TMEM132B: variants seen among roughly 807,000 people sequenced by gnomAD.
TMEM132B encodes the protein transmembrane protein 132B.
TMEM132B carries 18 observed loss-of-function variants against 90.8 expected under a neutral mutation model. That is an observed-to-expected ratio of 0.20 (90% CI 0.14 to 0.29). TMEM132B has a LOEUF of 0.29. TMEM132B is among the 10% of genes least tolerant of loss of function. The pLI, the probability that TMEM132B is intolerant of heterozygous loss-of-function variation, is 1.00. For missense variants in TMEM132B, 1,096 were observed against 1,326.8 expected, an observed-to-expected ratio of 0.83 and a Z score of 2.70; for synonymous variants, 504 against 523.3, an observed-to-expected ratio of 0.96 and a Z score of 0.50.
rs536125771 is a variant in TMEM132B, at chr12:125,392,973, C to G, written c.960-22558C>G. Among the ~76,000 whole-genome samples the G allele has an allele frequency of 2.7e-4, 41 of 152,282 alleles. No individual in the cohort carries two copies. The South Asian group carries it at 8.3e-3, about 31-fold the overall frequency. ...TGATCCGATGCCAGCTTCCCTCCTG[C>G]GTAGCCTGCCTCTGTGCCCACATTT... is the stretch of plus-strand genomic sequence containing the variant. On this transcript the variant is annotated intron_variant, in intron 2 of 8. Coordinates refer to ENST00000682704, the MANE Select transcript of TMEM132B (RefSeq NM_001366854.1).
chr12:125,261,375 G>C (rs1265939088), intron 1 of TMEM132B, among the ~76,000 whole-genome samples: 1 of 152,054 alleles, frequency 6.6e-6, no homozygotes, highest in Non-Finnish European at 1.5e-5. Flanking sequence ...TCTATCCTAG[G>C]GCCTGGGATG....
At chr12:125,599,998 G>A (rs1202136695) in intron 5 of TMEM132B, among the ~76,000 whole-genome samples, 1 of 152,178 alleles carries the variant, frequency 6.6e-6, no homozygotes, top group Non-Finnish European at 1.5e-5. Context: ...GGCGACAATG[G>A]GTGGACAGGT....
At chr12:125,582,179 C>G (rs373259050) in intron 4 of TMEM132B, among the ~76,000 whole-genome samples, 80 of 151,924 alleles carry the variant, frequency 5.3e-4, no homozygotes, top group Middle Eastern at 3.4e-3. Context: ...CCGTAACTAC[C>G]TTGGGAGAGC....
intron 2 of TMEM132B, 63 bp downstream of exon 2, chr12:125,350,406 A>G (rs1476246243): frequency 6.0e-6 from 9 of 1,502,780 alleles, no homozygotes; most frequent in Non-Finnish European, 8.0e-6. Flanking sequence ...TGAATTGTCA[A>G]TGAATAAAAT....
chr12:125,587,405 G>GCA (rs1885206815), intron 5 of TMEM132B: 1 of 152,166 alleles, frequency 6.6e-6, no homozygotes, highest in Non-Finnish European at 1.5e-5. Context: ...AGTGTGTGGG[G>GCA]GGTGCGGGGA....
At chr12:125,521,742 C>T (rs1883312088) in intron 4 of TMEM132B, among the ~76,000 whole-genome samples, 1 of 152,190 alleles carries the variant, frequency 6.6e-6, no homozygotes. Context: ...GCGAAGGATG[C>T]TACCTGAGGC....
At position 125,340,486 on chromosome 12, in the gene TMEM132B, A is replaced by G. The variant is rs145625946; in HGVS notation, c.68-8966A>G. 4.2e-3 allele frequency among the ~76,000 whole-genome samples: 633 copies of G among 152,168 alleles called. 10 individuals are homozygous for G. Among genetic ancestry groups the G allele is most frequent in the African/African-American group, 0.014 (572 of 41,522 alleles). Reference sequence around the variant, plus strand: ...GCAAGCAGAAGTGTAGGTAGTGTCTATTTGATCCTGGGATATGGAGGAGGA... The same window carrying G: ...GCAAGCAGAAGTGTAGGTAGTGTCTGTTTGATCCTGGGATATGGAGGAGGA... On this transcript the variant is annotated intron_variant, in intron 1 of 8. Coordinates refer to ENST00000682704, the MANE Select transcript of TMEM132B (RefSeq NM_001366854.1).
chr12:125,521,802 T>C (rs1883314893), intron 4 of TMEM132B, among the ~76,000 whole-genome samples: 2 of 152,228 alleles, frequency 1.3e-5, no homozygotes, highest in Admixed American at 1.3e-4. Flanking sequence ...TCCCTCCTCC[T>C]GCCAGATCCT....
chr12:125,561,476 A>G (rs1413013764), intron 4 of TMEM132B, among the ~76,000 whole-genome samples: 2 of 152,174 alleles, frequency 1.3e-5, no homozygotes, highest in Admixed American at 1.3e-4. Context: ...CCTTTGTAAC[A>G]AACCTGCACG....
intron 1 of TMEM132B, among the ~76,000 whole-genome samples, chr12:125,290,924 A>G (rs1414023298): frequency 1.3e-5 from 2 of 152,224 alleles, no homozygotes; most frequent in African/African-American, 4.8e-5. Context: ...ATCGCTCCTG[A>G]GACTGGATTG....
chr12:125,385,014 T>C (rs540078970), intron 2 of TMEM132B, among the ~76,000 whole-genome samples: 1 of 152,302 alleles, frequency 6.6e-6, no homozygotes, highest in South Asian at 2.1e-4. Flanking sequence ...CAGACCCTGA[T>C]AACCATCATT....
At chr12:125,590,518 G>T (rs1885291715) in intron 5 of TMEM132B, among the ~76,000 whole-genome samples, 1 of 152,188 alleles carries the variant, frequency 6.6e-6, no homozygotes, top group Admixed American at 6.5e-5. Context: ...AAAGGTAGAA[G>T]GTTCCCTGTA....
intron 1 of TMEM132B, among the ~76,000 whole-genome samples, chr12:125,210,590 A>G (rs1873297894): frequency 6.6e-6 from 1 of 151,720 alleles, no homozygotes; most frequent in South Asian, 2.1e-4. Context: ...GAAGGAAGCT[A>G]CTGCTGTCGT....
At chr12:125,587,018 A>G (rs906073784) in intron 5 of TMEM132B, 1 of 152,176 alleles carries the variant, frequency 6.6e-6, no homozygotes, top group African/African-American at 2.4e-5. Flanking sequence ...CTTCATTAAG[A>G]TGTGAAAAGA....
At chr12:125,510,428 G>A (rs533034395) in intron 3 of TMEM132B, among the ~76,000 whole-genome samples, 66 of 152,292 alleles carry the variant, frequency 4.3e-4, no homozygotes, top group African/African-American at 1.4e-3. Context: ...TGGGTTGGCC[G>A]ACTGATTATG....
At chr12:125,210,842 A>G (rs928228047) in intron 1 of TMEM132B, among the ~76,000 whole-genome samples, 1 of 152,142 alleles carries the variant, frequency 6.6e-6, no homozygotes, top group African/African-American at 2.4e-5. Context: ...ATGTGCCTGT[A>G]GTCCCAGCTA....
intron 4 of TMEM132B, among the ~76,000 whole-genome samples, chr12:125,559,416 A>G (rs1186365691): frequency 6.6e-6 from 1 of 152,174 alleles, no homozygotes; most frequent in Non-Finnish European, 1.5e-5. Context: ...ACAAAGCCAT[A>G]CTGCAGGTAC....
At chr12:125,645,849 G>T (rs975935612) in intron 6 of TMEM132B, among the ~76,000 whole-genome samples, 13 of 152,226 alleles carry the variant, frequency 8.5e-5, no homozygotes, top group African/African-American at 3.1e-4. Context: ...TTGCCCAGGG[G>T]TGGAATGTAG....
At chr12:125,375,291 G>A (rs1028274463) in intron 2 of TMEM132B, among the ~76,000 whole-genome samples, 25 of 152,306 alleles carry the variant, frequency 1.6e-4, no homozygotes, top group Middle Eastern at 6.8e-3. Flanking sequence ...AGTCTCTAAA[G>A]ACTCAGGAGA....
Sources: gnomAD v4.1 joint callset for allele counts (sites outside exome capture counted in the v4.1 genomes callset) on GRCh38, gnomAD v4.1.1 for gene constraint, MANE v1.5 for transcripts, NCBI Gene and HGNC (gene_info 2026-07-23, HGNC 2026-07-21) for gene names.